The following SYNE3 variants were observed in gnomAD, a reference collection of about 807,000 sequenced individuals.
SYNE3 encodes spectrin repeat containing nuclear envelope family member 3, also known as nesprin-3.
SYNE3 carries 100 observed loss-of-function variants against 111.2 expected under a neutral mutation model. The ratio of observed to expected loss-of-function variants is 0.90; its 90% confidence interval spans 0.77 to 1.06. The LOEUF (loss-of-function observed/expected upper bound fraction) is 1.06, where lower values mean the gene tolerates loss of function less well. Among genes scored for constraint, SYNE3 ranks in the 50% least tolerant of loss-of-function variants. The pLI is 0.00. For synonymous variants in SYNE3, 547 were observed against 533.9 expected (o/e 1.02, Z -0.34); for missense variants, 1,160 against 1,240.3 (o/e 0.94, Z 0.97).
chr14:95,409,721 C>T lies in SYNE3; in HGVS notation c.*8105G>A, dbSNP rs528496129. 2.0e-5 allele frequency: 6 copies of T among 298,574 alleles called. No homozygotes were observed. Among genetic ancestry groups the T allele is most frequent in the Admixed American group, 1.5e-4 (3 of 20,508 alleles). 18.5% of individuals were successfully genotyped at this position (298,574 alleles called of 1,614,324 possible). Reference sequence around the variant, plus strand: ...TGTTCTTACTTTGAAAAACAGAAGTCGTTTCTCTCATACACAGAAGCTAAG... The same window carrying T: ...TGTTCTTACTTTGAAAAACAGAAGTTGTTTCTCTCATACACAGAAGCTAAG... On this transcript the variant is annotated 3_prime_UTR_variant, in exon 18 of 18. Transcript: ENST00000682763.
Position 95,407,587 on chromosome 14 carries a change from G to A in SYNE3, c.*10239C>T, listed in dbSNP as rs1903312957. On this transcript the variant is annotated 3_prime_UTR_variant, in exon 18 of 18. Transcript: ENST00000682763. ...GCCTTCCCAGAAAGCTTAATTTATT[G>A]CAAATGCATGTTTTACCATCACAAA... 1 of 152,018 alleles carries A rather than the reference G, an allele frequency of 6.6e-6. No homozygotes were observed. Among genetic ancestry groups the A allele is most frequent in the Non-Finnish European group, 1.5e-5 (1 of 68,000 alleles). The allele number at this position is 152,018 out of a possible 1,614,324, so 9.4% of individuals were successfully genotyped here.
intron 1 of SYNE3, among the ~76,000 whole-genome samples, chr14:95,477,093 T>C (rs902719667): frequency 3.3e-5 from 5 of 152,226 alleles, no homozygotes; most frequent in Non-Finnish European, 7.3e-5. Flanking sequence ...TAACAAAAAC[T>C]ACACTCATAG....
rs544320626 is a variant in SYNE3 at position 95,411,172 on chromosome 14, G to A, written c.*6654C>T. On this transcript the variant is annotated 3_prime_UTR_variant, in exon 18 of 18. Transcript: ENST00000682763. ...GTATCCTCCTTCAACAGAGAACTTAGCATTTCCTAATCCATTTTGCCTCCC... is the reference window on the plus strand; with the variant it reads ...GTATCCTCCTTCAACAGAGAACTTAACATTTCCTAATCCATTTTGCCTCCC... 6.6e-6 allele frequency: 1 copy of A among 152,260 alleles called. No homozygotes were observed. Among genetic ancestry groups the A allele is most frequent in the East Asian group, 1.9e-4 (1 of 5,188 alleles). 9.4% of individuals were successfully genotyped at this position (152,260 alleles called of 1,614,324 possible). A position where few individuals can be genotyped will look rare whatever the true frequency, so the allele number is the denominator to read the frequency against.
At position 95,408,281 on chromosome 14, in the gene SYNE3, C is replaced by G. The variant is rs983163687; in HGVS notation, c.*9545G>C. The G allele has an allele frequency of 2.0e-5, 3 of 151,902 alleles. No individual in the cohort carries two copies. The highest frequency in any genetic ancestry group is 2.9e-5 in the Non-Finnish European group (2 of 67,990). 9.4% of individuals were successfully genotyped at this position (151,902 alleles called of 1,614,324 possible). A position where few individuals can be genotyped will look rare whatever the true frequency, so the allele number is the denominator to read the frequency against. On this transcript the variant is annotated 3_prime_UTR_variant, in exon 18 of 18. Coordinates refer to ENST00000682763, the MANE Select transcript of SYNE3 (RefSeq NM_152592.6). ...TTGGAGGGAAAACGTAATCGTTCCT[C>G]CAAAGCTGGTATTGGAAACTTGCCA...
intron 17 of SYNE3, chr14:95,429,860 G>A: frequency 1.1e-6 from 1 of 872,000 alleles, no homozygotes; most frequent in Non-Finnish European, 1.4e-6. Context: ...AACATCAGCT[G>A]GACATGTGCG....
intron 1 of SYNE3, among the ~76,000 whole-genome samples, chr14:95,494,699 C>T (rs562181079): frequency 8.5e-5 from 13 of 152,186 alleles, no homozygotes; most frequent in Non-Finnish European, 1.9e-4. Flanking sequence ...GTGTGAAAAC[C>T]ACACTGGACC....
rs1903382534 is a variant in SYNE3, at chr14:95,409,604, C to A, written c.*8222G>T. 2 of 361,332 alleles carry A rather than the reference C, an allele frequency of 5.5e-6. No individual in the cohort carries two copies. The highest frequency in any genetic ancestry group is 2.1e-5 in the African/African-American group (1 of 46,832). 22.4% of individuals were successfully genotyped at this position (361,332 alleles called of 1,614,324 possible). ...GCTGGGAGATGCTGAGTCCTGCTGA[C>A]TGTGCTTTAAGGCCCTGAACATCCT... is the stretch of plus-strand genomic sequence containing the variant. On this transcript the variant is annotated 3_prime_UTR_variant, in exon 18 of 18. Coordinates refer to ENST00000682763, the MANE Select transcript of SYNE3 (RefSeq NM_152592.6).
chr14:95,447,631 C>T (rs17092292), intron 8 of SYNE3, among the ~76,000 whole-genome samples: 43,511 of 152,090 alleles, frequency 0.29, 6,694 homozygotes, highest in African/African-American at 0.41. Flanking sequence ...GACCTGCACA[C>T]CAGGGCATCT....
chr14:95,507,676 C>T (rs1890577403), intron 1 of SYNE3, among the ~76,000 whole-genome samples: 1 of 152,200 alleles, frequency 6.6e-6, no homozygotes, highest in South Asian at 2.1e-4. Flanking sequence ...TTGAAATCAG[C>T]AAACAGATAC....
At chr14:95,439,860 T>C (rs1886311196) in intron 12 of SYNE3, 54 bp downstream of exon 12, 2 of 1,593,548 alleles carry the variant, frequency 1.3e-6, no homozygotes, top group East Asian at 2.2e-5. Context: ...TGTGGGAACG[T>C]TGGCCTGTCA....
At position 95,513,290 on chromosome 14, in the gene SYNE3, T is replaced by G. The variant is rs547485860; in HGVS notation, c.-15+3306A>C. ...GTCACTAAACAACTCATTGCTTAGT[T>G]TGGTTGTGTTTTGAGCTTTTATAAT... On this transcript the variant is annotated intron_variant, in intron 1 of 17. Coordinates refer to ENST00000682763, the MANE Select transcript of SYNE3 (RefSeq NM_152592.6). Among the ~76,000 whole-genome samples the G allele has an allele frequency of 7.9e-5, 12 of 152,292 alleles. No homozygotes were observed. The East Asian group carries it at 2.1e-3, about 27-fold the overall frequency.
At chr14:95,468,062 C>T (rs905643159) in intron 2 of SYNE3, 95 bp from the exon 3 acceptor site, 5 of 1,402,152 alleles carry the variant, frequency 3.6e-6, no homozygotes, top group Admixed American at 2.3e-5. Flanking sequence ...AGCCAGGACT[C>T]GAAGGCCAGA....
chr14:95,410,355 CCCTTCA>C lies in SYNE3; in HGVS notation c.*7465_*7470del, dbSNP rs1208679409. 2.6e-5 allele frequency: 4 copies of C among 152,284 alleles called. No individual in the cohort carries two copies. Among genetic ancestry groups the C allele is most frequent in the African/African-American group, 9.6e-5 (4 of 41,466 alleles). The allele number at this position is 152,284 out of a possible 1,614,324, so 9.4% of individuals were successfully genotyped here. On this transcript the variant is annotated 3_prime_UTR_variant, in exon 18 of 18. Coordinates refer to ENST00000682763, the MANE Select transcript of SYNE3 (RefSeq NM_152592.6). The stretch of plus-strand genomic sequence containing the variant: ...CGAAGTGCCACTCCAAGCCACCCTA[CCCTTCA>C]TTCTTACTAGAAGAGCCCCCATCTT...
At chr14:95,454,971 C>T (rs1265186735) in intron 6 of SYNE3, among the ~76,000 whole-genome samples, 4 of 152,006 alleles carry the variant, frequency 2.6e-5, no homozygotes, top group African/African-American at 9.7e-5. Context: ...ATGTTTGTTC[C>T]CCATGATCTC....
chr14:95,493,675 C>T (rs969883795), intron 1 of SYNE3, among the ~76,000 whole-genome samples: 4 of 152,248 alleles, frequency 2.6e-5, no homozygotes, highest in African/African-American at 7.2e-5. Flanking sequence ...AGAGGGGTGG[C>T]CACCAGTGGC....
chr14:95,434,114 G>A (rs1347904579), intron 15 of SYNE3, among the ~76,000 whole-genome samples: 2 of 151,996 alleles, frequency 1.3e-5, no homozygotes, highest in Non-Finnish European at 2.9e-5. Context: ...CCAGATATGA[G>A]ACAGGAGAGG....
intron 16 of SYNE3, among the ~76,000 whole-genome samples, chr14:95,432,700 G>GCCC (rs1306992449): frequency 1.3e-5 from 2 of 150,466 alleles, no homozygotes; most frequent in Admixed American, 1.3e-4. Context: ...AGACACAGGG[G>GCCC]CCCCCGAAAA....
chr14:95,489,730 C>A (rs548648632), intron 1 of SYNE3, among the ~76,000 whole-genome samples: 1 of 151,620 alleles, frequency 6.6e-6, no homozygotes, highest in East Asian at 1.9e-4. Context: ...ACTACAGTCA[C>A]GAGCCACCAT....
chr14:95,494,104 C>T, intron 1 of SYNE3, among the ~76,000 whole-genome samples: 1 of 151,050 alleles, frequency 6.6e-6, no homozygotes, highest in Admixed American at 6.6e-5. Flanking sequence ...AGTTTGAAGC[C>T]AGCCTGGGCA....
Sources: allele counts gnomAD v4.1 joint callset (sites outside exome capture counted in the v4.1 genomes callset), GRCh38; gene constraint gnomAD v4.1.1; transcripts MANE v1.5; gene names NCBI Gene and HGNC (gene_info 2026-07-23, HGNC 2026-07-21).